CD96: variants seen among roughly 807,000 people sequenced by gnomAD.
CD96 encodes the protein CD96 molecule, also known as T-cell surface protein tactile.
A neutral mutation model predicts 71.3 loss-of-function variants in CD96; 70 were observed. The ratio of observed to expected loss-of-function variants is 0.98; its 90% CI spans 0.81 to 1.20. The LOEUF (loss-of-function observed/expected upper bound fraction) is 1.20. CD96 is among the 50% of genes most tolerant of loss of function. CD96 has a pLI of 0.00. For synonymous variants in CD96, 248 were observed against 233.0 expected (o/e 1.06, Z -0.59); for missense variants, 742 against 677.5 (o/e 1.10, Z -1.06).
chr3:111,594,217 G>T (rs1937147520), intron 5 of CD96: 1 of 1,571,990 alleles, frequency 6.4e-7, no homozygotes, highest in African/African-American at 1.4e-5. Context: ...CTCTTCTACA[G>T]CGTTCTTTAT....
At chr3:111,574,338 G>T (rs974516227) in intron 3 of CD96, among the ~76,000 whole-genome samples, 2 of 152,128 alleles carry the variant, frequency 1.3e-5, no homozygotes, top group African/African-American at 4.8e-5. Flanking sequence ...AATGTTCAAT[G>T]GATCATTTCA....
At chr3:111,565,869 A>G (rs1935683775) in intron 2 of CD96, among the ~76,000 whole-genome samples, 1 of 151,832 alleles carries the variant, frequency 6.6e-6, no homozygotes, top group Non-Finnish European at 1.5e-5. Flanking sequence ...ATCTGGTTTT[A>G]ATTAGGAAAA....
intron 3 of CD96, among the ~76,000 whole-genome samples, chr3:111,575,401 G>A (rs1936176839): frequency 6.6e-6 from 1 of 152,216 alleles, no homozygotes; most frequent in African/African-American, 2.4e-5. Context: ...CATCAAATTT[G>A]TAAATAAAGG....
chr3:111,600,996 A>G, intron 7 of CD96, 82 bp downstream of exon 7: 2 of 877,338 alleles, frequency 2.3e-6, no homozygotes, highest in Non-Finnish European at 3.7e-6. Flanking sequence ...GAAGATTATC[A>G]CTTCCATAAC....
chr3:111,615,790 A>C (rs1395850571), intron 8 of CD96, among the ~76,000 whole-genome samples: 3 of 152,174 alleles, frequency 2.0e-5, no homozygotes, highest in African/African-American at 7.2e-5. Flanking sequence ...TACAGTTAGC[A>C]TGAAAAGCCA....
chr3:111,606,612 A>G, intron 7 of CD96, 88 bp from the exon 8 acceptor site: 1 of 766,446 alleles, frequency 1.3e-6, no homozygotes, highest in Admixed American at 1.8e-5. Context: ...TGAATAAATA[A>G]AGGAAAGTGT....
At chr3:111,629,144 A>T (rs1416536987) in intron 10 of CD96, among the ~76,000 whole-genome samples, 3 of 152,232 alleles carry the variant, frequency 2.0e-5, no homozygotes, top group African/African-American at 4.8e-5. Flanking sequence ...TGATTACAGG[A>T]TCAAATCCAC....
intron 4 of CD96, among the ~76,000 whole-genome samples, chr3:111,582,196 C>G (rs553562054): frequency 3.9e-5 from 6 of 152,114 alleles, no homozygotes; most frequent in Admixed American, 3.3e-4. Context: ...AAGAGTTATC[C>G]CAGTAAGAGA....
intron 12 of CD96, among the ~76,000 whole-genome samples, chr3:111,640,203 G>T (rs1939527059): frequency 6.6e-6 from 1 of 152,092 alleles, no homozygotes; most frequent in African/African-American, 2.4e-5. Context: ...ACCAGAGAAA[G>T]GCGAAGCCCA....
intron 10 of CD96, among the ~76,000 whole-genome samples, chr3:111,624,943 G>A (rs1360488479): frequency 6.6e-6 from 1 of 152,228 alleles, no homozygotes; most frequent in African/African-American, 2.4e-5. Flanking sequence ...AGGATCTGAA[G>A]AAGAAATATA....
At position 111,567,457 on chromosome 3, in the gene CD96, T is replaced by C. The variant is rs1935770873; in HGVS notation, c.419-66T>C. The C allele has an allele frequency of 4.3e-6, 6 of 1,401,808 alleles. No homozygotes were observed. In the South Asian group the frequency reaches 5.8e-5, roughly 14 times the overall value. 86.8% of individuals were successfully genotyped at this position (1,401,808 alleles called of 1,614,324 possible). ...CTATACTAAAACTGTTTTTGTCTCT[T>C]TGATAAAAAGCACTTTACAAACCAA... is the stretch of plus-strand genomic sequence containing the variant. On this transcript the variant is annotated intron_variant, in intron 2 of 13. Transcript: ENST00000352690.
At position 111,638,104 on chromosome 3, in the gene CD96, A is replaced by T. The variant is rs774192887; in HGVS notation, c.1413A>T (p.Arg471Ser). The T allele has an allele frequency of 6.2e-7, 1 of 1,609,598 alleles. No individual in the cohort carries two copies. Among genetic ancestry groups the T allele is most frequent in the Non-Finnish European group, 8.5e-7 (1 of 1,176,030 alleles). Residue 471 changes from arginine (R) to serine (S), a missense_variant, in exon 12 of 14, where the codon AGA becomes AGT. Coordinates refer to ENST00000352690, the MANE Select transcript of CD96 (RefSeq NM_005816.5). ...LHDNVFTSTA[R>S]AFSEVPTTAN... ...ACAATGTCTTTACCAGCACAGCCAGAGCATTTTCAGAAGTCCCCACAACTG... is the reference window on the plus strand; with the variant it reads ...ACAATGTCTTTACCAGCACAGCCAGTGCATTTTCAGAAGTCCCCACAACTG...
intron 5 of CD96, chr3:111,593,820 C>G (rs186768110): frequency 6.2e-6 from 10 of 1,614,048 alleles, no homozygotes; most frequent in Non-Finnish European, 8.5e-6. Flanking sequence ...AGCTGGGGCC[C>G]GTGGGGCCTT....
intron 13 of CD96, among the ~76,000 whole-genome samples, chr3:111,648,966 A>C (rs961607548): frequency 6.6e-6 from 1 of 152,252 alleles, no homozygotes; most frequent in Admixed American, 6.5e-5. Flanking sequence ...CTTTGTACAA[A>C]GATGACTTTA....
chr3:111,601,532 A>G lies in CD96; in HGVS notation c.1087+618A>G, dbSNP rs146556348. ...TTACTACCCTGAACCAGATGGAATA[A>G]TGGAGATTTTACTACATAAAAGATG... is the stretch of plus-strand genomic sequence containing the variant. On this transcript the variant is annotated intron_variant, in intron 7 of 13. Coordinates refer to ENST00000352690, the MANE Select transcript of CD96 (RefSeq NM_005816.5). Among the ~76,000 whole-genome samples the G allele has an allele frequency of 2.2e-3, 339 of 152,352 alleles. 1 individual carries two copies. The highest frequency in any genetic ancestry group is 7.8e-3 in the African/African-American group (323 of 41,582).
chr3:111,560,428 T>C (rs1274767317), intron 2 of CD96, among the ~76,000 whole-genome samples: 6 of 148,224 alleles, frequency 4.0e-5, no homozygotes, highest in African/African-American at 1.2e-4. Flanking sequence ...TCTCAGCATT[T>C]GCTTGTCTGT....
chr3:111,625,182 G>A (rs993475162), intron 10 of CD96, among the ~76,000 whole-genome samples: 1 of 152,172 alleles, frequency 6.6e-6, no homozygotes, highest in Non-Finnish European at 1.5e-5. Context: ...TCATTCCTGG[G>A]AACTTGTCCT....
chr3:111,554,771 CT>C (rs1451073181), intron 2 of CD96, among the ~76,000 whole-genome samples: 1 of 151,928 alleles, frequency 6.6e-6, no homozygotes, highest in African/African-American at 2.4e-5. Flanking sequence ...TTATTGTGCA[CT>C]TTATTTGTAT....
intron 10 of CD96, among the ~76,000 whole-genome samples, chr3:111,636,191 T>C (rs961329718): frequency 2.0e-5 from 3 of 152,178 alleles, no homozygotes; most frequent in Non-Finnish European, 2.9e-5. Flanking sequence ...TATGACAAAT[T>C]GTCCTGTAAT....
Sources: allele counts gnomAD v4.1 joint callset (sites outside exome capture counted in the v4.1 genomes callset), GRCh38; gene constraint gnomAD v4.1.1; transcripts MANE v1.5; gene names NCBI Gene and HGNC (gene_info 2026-07-23, HGNC 2026-07-21).